The following ITLN1 variants were observed in gnomAD, a reference collection of about 807,000 sequenced individuals.
The protein encoded by ITLN1 is intelectin 1.
In ITLN1, 29 loss-of-function variants were observed where a neutral mutation model predicts 36.2. The ratio of observed to expected loss-of-function variants is 0.80; its 90% CI spans 0.60 to 1.09. The LOEUF (loss-of-function observed/expected upper bound fraction) is 1.09. ITLN1 is among the 50% of genes least tolerant of loss of function. The probability of loss-of-function intolerance (pLI) is 0.00; values close to 1 mark genes in which losing one functional copy is unlikely to be tolerated. For missense variants in ITLN1, 358 were observed against 405.2 expected, an observed-to-expected ratio of 0.88 and a Z score of 1.00; for synonymous variants, 143 against 146.5, an observed-to-expected ratio of 0.98 and a Z score of 0.17.
At chr1:160,882,738 C>T (rs1670702454) in intron 3 of ITLN1, among the ~76,000 whole-genome samples, 1 of 152,132 alleles carries the variant, frequency 6.6e-6, no homozygotes, top group South Asian at 2.1e-4. Flanking sequence ...AGGACAAATA[C>T]CATATGACTC....
In ITLN1 at chr1:160,884,819, C is replaced by A; in HGVS notation, c.58+1G>T. On this transcript the variant is annotated splice_donor_variant, in intron 2 of 7. Transcript: ENST00000326245. LOFTEE classifies it high-confidence loss of function. ...CTGCTGTCCCTAGCAGCGTGACTCA[C>A]CTGTACTCCATCCTCTGGTGGTCGC... is the stretch of plus-strand genomic sequence containing the variant. 6.2e-7 allele frequency: 1 copy of A among 1,609,168 alleles called. No homozygotes were observed. Among genetic ancestry groups the A allele is most frequent in the South Asian group, 1.1e-5 (1 of 90,886 alleles).
chr1:160,878,687 T>A (rs1571140692), intron 7 of ITLN1, among the ~76,000 whole-genome samples: 2 of 151,146 alleles, frequency 1.3e-5, no homozygotes, highest in Admixed American at 6.7e-5. Flanking sequence ...GCCTGGCCAG[T>A]ATTTCTTTAT....
At position 160,882,204 on chromosome 1, in the gene ITLN1, T is replaced by C. The variant is rs1351097106; in HGVS notation, c.158A>G (p.Asp53Gly). 1 of 1,568,454 alleles carries C rather than the reference T, an allele frequency of 6.4e-7. No homozygotes were observed. Among genetic ancestry groups the C allele is most frequent in the South Asian group, 1.2e-5 (1 of 82,546 alleles). ...CTCAGTGCGGAGAAAATACAGGCCA[T>C]CTGTAGAGAGAACCAGCCCAGAGCC... ...EIKDECPSAF[D>G]GLYFLRTENG... The change falls in exon 4 of 8, where the codon GAT becomes GGT. Residue 53 changes from aspartate (D) to glycine (G), a missense_variant and splice_region_variant. Physicochemically the swap from Asp to Gly is moderately conservative, Grantham distance 94. Coordinates refer to ENST00000326245, the MANE Select transcript of ITLN1 (RefSeq NM_017625.3).
In ITLN1 at chr1:160,880,653, A is replaced by G; in HGVS notation, c.620T>C (p.Ile207Thr). The G allele has an allele frequency of 1.2e-6, 2 of 1,614,088 alleles. No homozygotes were observed. The highest frequency in any genetic ancestry group is 2.2e-5 in the East Asian group (1 of 44,878). ...GKCWTDNGPV[I>T]PVVYDFGDAQ... Reference sequence around the variant, plus strand: ...GTCGCCAAAATCATAGACCACAGGGATCACCGGGCCGTTGTCAGTCCAACA... The same window carrying G: ...GTCGCCAAAATCATAGACCACAGGGGTCACCGGGCCGTTGTCAGTCCAACA... Residue 207 changes from isoleucine (I) to threonine (T), a missense_variant, in exon 6 of 8, where the codon ATC (isoleucine) becomes ACC (threonine). Physicochemically the swap from Ile to Thr is moderately conservative, Grantham distance 89 (BLOSUM62 -1). Transcript: ENST00000326245.
In ITLN1 at chr1:160,876,548, A is replaced by G. The variant is rs142893075; in HGVS notation, c.*116T>C. The G allele has an allele frequency of 7.1e-5, 77 of 1,091,600 alleles. No homozygotes were observed. In the African/African-American group the frequency reaches 1.1e-3, roughly 15 times the overall value. 67.6% of individuals were successfully genotyped at this position (1,091,600 alleles called of 1,614,324 possible). A position where few individuals can be genotyped will look rare whatever the true frequency, so the allele number is the denominator to read the frequency against. Reference sequence around the variant, plus strand: ...CACAGAAACACCAAGCCTTGAGTCAATATGATTTATTGTTTTCTCTTCTGC... The same window carrying G: ...CACAGAAACACCAAGCCTTGAGTCAGTATGATTTATTGTTTTCTCTTCTGC... On this transcript the variant is annotated 3_prime_UTR_variant, in exon 8 of 8. Transcript: ENST00000326245.
chr1:160,881,936 T>C, intron 4 of ITLN1, 21 bp downstream of exon 4: 1 of 1,612,374 alleles, frequency 6.2e-7, no homozygotes, highest in Non-Finnish European at 8.5e-7. Context: ...CTCACCCGAG[T>C]GGGTAAGAAG....
Position 160,876,898 on chromosome 1 carries a change from T to A in ITLN1, c.790-82A>T. ...CCATCTTAACAGCTGAATCCAGTGATTTCTTTGGTCCTCATCAGACTCTCC... is the reference window on the plus strand; with the variant it reads ...CCATCTTAACAGCTGAATCCAGTGAATTCTTTGGTCCTCATCAGACTCTCC... On this transcript the variant is annotated intron_variant, in intron 7 of 7. Coordinates refer to ENST00000326245, the MANE Select transcript of ITLN1 (RefSeq NM_017625.3). 5 of 1,417,538 alleles carry A rather than the reference T, an allele frequency of 3.5e-6. No individual in the cohort carries two copies. The South Asian group carries it at 6.3e-5, about 18-fold the overall frequency. 87.8% of individuals were successfully genotyped at this position (1,417,538 alleles called of 1,614,324 possible).
chr1:160,881,851 C>T, intron 4 of ITLN1, 106 bp downstream of exon 4: 1 of 1,434,724 alleles, frequency 7.0e-7, no homozygotes, highest in Middle Eastern at 1.9e-4. Flanking sequence ...CTCTTCTTCT[C>T]CAGCCCATCC....
In ITLN1 at chr1:160,882,019, C is replaced by T. The variant is rs1308125294; in HGVS notation, c.343G>A (p.Gly115Ser). The T allele has an allele frequency of 1.2e-6, 2 of 1,614,064 alleles. No individual in the cohort carries two copies. The highest frequency in any genetic ancestry group is 1.7e-6 in the Non-Finnish European group (2 of 1,180,018). The change falls in exon 4 of 8, where the codon GGC becomes AGC. Residue 115 changes from glycine (G) to serine (S), a missense_variant. By Grantham distance (56) the Gly-to-Ser change is moderately conservative. Transcript: ENST00000326245. ...GSKAVYPEGD[G>S]NWANYNTFGS... ...AAGGTGTTGTAGTTGGCCCAGTTGC[C>T]GTCCCCCTCTGGGTAGACTGCTTTG...
At chr1:160,885,031 C>T in intron 1 of ITLN1, 30 bp downstream of exon 1, 1 of 581,596 alleles carries the variant, frequency 1.7e-6, no homozygotes, top group Middle Eastern at 2.7e-4. Context: ...CAGACCTAAG[C>T]TGAAAACAGG....
Position 160,881,146 on chromosome 1 carries a change from T to G in ITLN1, c.564+8A>C. 2 of 1,600,070 alleles carry G rather than the reference T, an allele frequency of 1.2e-6. No individual in the cohort carries two copies. Among genetic ancestry groups the G allele is most frequent in the Non-Finnish European group, 1.7e-6 (2 of 1,172,750 alleles). On this transcript the variant is annotated splice_region_variant and intron_variant, in intron 5 of 7. Coordinates refer to ENST00000326245, the MANE Select transcript of ITLN1 (RefSeq NM_017625.3). ...TGAAAACCAGTCCCAGCCAGCAGCCTTCTGTACCTGGTAGATGCCAAACAG... is the reference window on the plus strand; with the variant it reads ...TGAAAACCAGTCCCAGCCAGCAGCCGTCTGTACCTGGTAGATGCCAAACAG...
intron 2 of ITLN1, 114 bp downstream of exon 2, chr1:160,884,706 T>TA (rs1670729493): frequency 2.8e-6 from 2 of 722,176 alleles, no homozygotes; most frequent in Admixed American, 2.2e-5. Context: ...GCACTCAGTC[T>TA]ACATGCAAGC....
intron 4 of ITLN1, 99 bp downstream of exon 4, chr1:160,881,858 A>T (rs1292336360): frequency 6.7e-7 from 1 of 1,496,562 alleles, no homozygotes; most frequent in Non-Finnish European, 9.2e-7. Flanking sequence ...TCTCCAGCCC[A>T]TCCCACACCC....
chr1:160,881,050 G>T, intron 5 of ITLN1, 104 bp downstream of exon 5: 2 of 1,308,132 alleles, frequency 1.5e-6, no homozygotes, highest in South Asian at 1.5e-5. Context: ...TGGGTTAGAA[G>T]AACATGGGAG....
At chr1:160,881,850 T>C (rs1670684481) in intron 4 of ITLN1, 107 bp downstream of exon 4, 1 of 1,235,632 alleles carries the variant, frequency 8.1e-7, no homozygotes, top group Non-Finnish European at 1.2e-6. Flanking sequence ...TCTCTTCTTC[T>C]CCAGCCCATC....
At chr1:160,883,596 C>T in intron 2 of ITLN1, 70 bp from the exon 3 acceptor site, 1 of 1,075,380 alleles carries the variant, frequency 9.3e-7, no homozygotes. Flanking sequence ...ATCACTAGTC[C>T]CACGCTCATT....
Position 160,884,683 on chromosome 1 carries a change from AG to A in ITLN1, c.58+136del, listed in dbSNP as rs573170459. On this transcript the variant is annotated intron_variant, in intron 2 of 7. Transcript: ENST00000326245. ...ACTGCCACAGGCCAGATTCCGCCAG[AG>A]ACCAGAAATCGGCACTCAGTCTACA... The A allele has an allele frequency of 2.0e-4, 129 of 644,076 alleles. No individual in the cohort carries two copies. The African/African-American group carries it at 2.2e-3, about 11-fold the overall frequency. The allele number at this position is 644,076 out of a possible 1,614,324, so 39.9% of individuals were successfully genotyped here. A position where few individuals can be genotyped will look rare whatever the true frequency, so the allele number is the denominator to read the frequency against.
chr1:160,881,457 C>T (rs1230809409), intron 4 of ITLN1, 145 bp from the exon 5 acceptor site: 2 of 861,692 alleles, frequency 2.3e-6, no homozygotes, highest in Non-Finnish European at 1.7e-6. Context: ...CCACTCCCAG[C>T]CGATGATCCC....
chr1:160,881,576 A>G, intron 4 of ITLN1: 1 of 492,928 alleles, frequency 2.0e-6, no homozygotes. Context: ...TGGGAGACCA[A>G]GGCGGGCAGG....
Sources: gnomAD v4.1 joint callset for allele counts (sites outside exome capture counted in the v4.1 genomes callset) on GRCh38, gnomAD v4.1.1 for gene constraint, MANE v1.5 for transcripts, NCBI Gene and HGNC (gene_info 2026-07-23, HGNC 2026-07-21) for gene names.